ARHGAP26: variants seen among roughly 807,000 people sequenced by gnomAD.
The protein encoded by ARHGAP26 is rho GTPase-activating protein 26.
ARHGAP26 carries 38 observed loss-of-function variants against 104.8 expected under a neutral mutation model. That is an observed-to-expected ratio of 0.36 (90% CI 0.28 to 0.48). The LOEUF (loss-of-function observed/expected upper bound fraction) is 0.48. Among genes scored for constraint, ARHGAP26 ranks in the 20% least tolerant of loss-of-function variants. ARHGAP26 has a pLI of 0.99. For missense variants in ARHGAP26, 704 were observed against 947.9 expected, an observed-to-expected ratio of 0.74 and a Z score of 3.38; for synonymous variants, 341 against 340.0, an observed-to-expected ratio of 1.00 and a Z score of -0.03.
At chr5:142,957,027 A>G (rs1416515892) in intron 11 of ARHGAP26, among the ~76,000 whole-genome samples, 1 of 152,214 alleles carries the variant, frequency 6.6e-6, no homozygotes, top group East Asian at 1.9e-4. Flanking sequence ...CAGCCAAACC[A>G]TATCAAGACC....
chr5:143,035,144 A>T (rs539897128), intron 12 of ARHGAP26, among the ~76,000 whole-genome samples: 1 of 152,356 alleles, frequency 6.6e-6, no homozygotes, highest in African/African-American at 2.4e-5. Flanking sequence ...GTATGTAAGT[A>T]TAGGAACTAT....
intron 12 of ARHGAP26, among the ~76,000 whole-genome samples, chr5:143,028,589 A>G (rs1206350699): frequency 6.6e-6 from 1 of 152,204 alleles, no homozygotes; most frequent in Non-Finnish European, 1.5e-5. Flanking sequence ...ATGATCATGT[A>G]TTGAATACCA....
intron 1 of ARHGAP26, among the ~76,000 whole-genome samples, chr5:142,786,102 C>T (rs1048131395): frequency 6.6e-6 from 1 of 151,914 alleles, no homozygotes; most frequent in South Asian, 2.1e-4. Flanking sequence ...TCCCAAGTAG[C>T]CAGAACTACT....
chr5:142,806,508 T>TG (rs1763021154), intron 1 of ARHGAP26, among the ~76,000 whole-genome samples: 1 of 147,542 alleles, frequency 6.8e-6, no homozygotes, highest in Non-Finnish European at 1.5e-5. Context: ...TGTGTGTGTG[T>TG]TTAGTTTAAG....
intron 1 of ARHGAP26, among the ~76,000 whole-genome samples, chr5:142,793,181 GGCTGGTC>G (rs1760213424): frequency 6.6e-6 from 1 of 151,844 alleles, no homozygotes; most frequent in African/African-American, 2.4e-5. Flanking sequence ...ACCAGGCTGA[GGCTGGTC>G]GCCAAGCAAC....
At chr5:143,037,103 G>A (rs1352936556) in intron 12 of ARHGAP26, 93 bp from the exon 13 acceptor site, 36 of 832,402 alleles carry the variant, frequency 4.3e-5, no homozygotes, top group Non-Finnish European at 6.7e-5. Flanking sequence ...TGTGACCACA[G>A]CATGCGATTG....
chr5:142,962,364 G>A (rs1344934560), intron 11 of ARHGAP26, among the ~76,000 whole-genome samples: 6 of 152,138 alleles, frequency 3.9e-5, no homozygotes, highest in Non-Finnish European at 8.8e-5. Context: ...CTCTTTGGGT[G>A]GGGCTGCTTT....
chr5:142,917,239 A>G (rs921359909), intron 10 of ARHGAP26, among the ~76,000 whole-genome samples: 13 of 152,084 alleles, frequency 8.5e-5, no homozygotes, highest in Admixed American at 7.9e-4. Flanking sequence ...CGGTTTCGCC[A>G]TGTTGACCAG....
At chr5:142,991,481 A>T (rs1775605964) in intron 11 of ARHGAP26, among the ~76,000 whole-genome samples, 1 of 152,046 alleles carries the variant, frequency 6.6e-6, no homozygotes, top group African/African-American at 2.4e-5. Flanking sequence ...AACAAGCCCC[A>T]CTGAGATGAA....
chr5:143,162,284 TACACACACACAC>T (rs34577770), intron 20 of ARHGAP26, among the ~76,000 whole-genome samples: 2 of 147,328 alleles, frequency 1.4e-5, no homozygotes, highest in Non-Finnish European at 3.0e-5. Flanking sequence ...AACACACACA[TACACACACACAC>T]ACACACACAC....
intron 1 of ARHGAP26, among the ~76,000 whole-genome samples, chr5:142,813,039 G>A (rs188087734): frequency 8.5e-4 from 127 of 149,986 alleles, no homozygotes; most frequent in South Asian, 3.6e-3. Flanking sequence ...CTGGGTTCAC[G>A]CCATTCTCCT....
intron 17 of ARHGAP26, among the ~76,000 whole-genome samples, chr5:143,093,542 CTT>C (rs1408181671): frequency 4.6e-5 from 7 of 152,096 alleles, no homozygotes; most frequent in African/African-American, 1.2e-4. Flanking sequence ...CTCTTTCTCT[CTT>C]TGACTCCCTC....
chr5:142,881,414 C>G lies in ARHGAP26; in HGVS notation c.384+1969C>G, dbSNP rs540215338. On this transcript the variant is annotated intron_variant, in intron 4 of 22. Coordinates refer to ENST00000645722, the MANE Select transcript of ARHGAP26 (RefSeq NM_001135608.3). ...TTAATGATAGGAGGAGCTACTGTCC[C>G]CCGGGGCGGCGGCTGGGGGGTGGTA... is the stretch of plus-strand genomic sequence containing the variant. Among the ~76,000 whole-genome samples, 4 of 152,226 alleles carry G rather than the reference C, an allele frequency of 2.6e-5. No homozygotes were observed. The East Asian group carries it at 7.7e-4, about 29-fold the overall frequency.
At chr5:143,048,702 T>A (rs1374404316) in intron 14 of ARHGAP26, among the ~76,000 whole-genome samples, 1 of 151,514 alleles carries the variant, frequency 6.6e-6, no homozygotes, top group Non-Finnish European at 1.5e-5. Flanking sequence ...GATCACAAGG[T>A]CAGGAGTTCG....
intron 16 of ARHGAP26, among the ~76,000 whole-genome samples, chr5:143,057,021 G>A (rs1261793853): frequency 6.6e-6 from 1 of 152,190 alleles, no homozygotes; most frequent in African/African-American, 2.4e-5. Flanking sequence ...AGTACCATCA[G>A]TCTATTTGCC....
intron 17 of ARHGAP26, among the ~76,000 whole-genome samples, chr5:143,080,247 G>T (rs60905948): frequency 0.53 from 80,653 of 152,126 alleles, 24,996 homozygotes; most frequent in Non-Finnish European, 0.71. Context: ...AGAGCTTAAA[G>T]TTAAATTGAG....
chr5:143,066,053 G>A (rs1487141252), intron 17 of ARHGAP26, among the ~76,000 whole-genome samples: 1 of 152,128 alleles, frequency 6.6e-6, no homozygotes, highest in Non-Finnish European at 1.5e-5. Flanking sequence ...ACATAACAAC[G>A]TGTCTATCAA....
intron 17 of ARHGAP26, among the ~76,000 whole-genome samples, chr5:143,077,857 G>A (rs1220936764): frequency 6.6e-6 from 1 of 152,138 alleles, no homozygotes; most frequent in Admixed American, 6.5e-5. Context: ...GGCTGTAGCT[G>A]TTGGTGCCTA....
intron 11 of ARHGAP26, among the ~76,000 whole-genome samples, chr5:142,971,028 A>T (rs1299059718): frequency 1.3e-5 from 2 of 152,188 alleles, no homozygotes; most frequent in South Asian, 2.1e-4. Context: ...GATTCTACAA[A>T]TTTTTTAGGT....
Sources: allele counts gnomAD v4.1 joint callset (sites outside exome capture counted in the v4.1 genomes callset), GRCh38; gene constraint gnomAD v4.1.1; transcripts MANE v1.5; gene names NCBI Gene and HGNC (gene_info 2026-07-23, HGNC 2026-07-21).